Variants in CIMIP4 observed in about 807,000 individuals in gnomAD.
The protein encoded by CIMIP4 is protein EAN57.
chr22:36,992,992 A>C, the CIMIP4 span, among the ~76,000 whole-genome samples: 1 of 149,620 alleles, frequency 6.7e-6, no homozygotes, highest in East Asian at 1.9e-4. Context: ...GAGAGTAATT[A>C]AAGTTAATTA....
chr22:37,005,060 G>A, the CIMIP4 span, among the ~76,000 whole-genome samples: 66,980 of 151,908 alleles, frequency 0.44, 14,893 homozygotes, highest in East Asian at 0.53. Flanking sequence ...AGCAAATGCC[G>A]TGTTTTGAGC....
At chr22:36,991,583 C>G in the CIMIP4 span, 1 of 1,614,212 alleles carries the variant, frequency 6.2e-7, no homozygotes, top group Non-Finnish European at 8.5e-7. Flanking sequence ...TTTGTCTCCT[C>G]AGCAGCCCCT....
the CIMIP4 span, among the ~76,000 whole-genome samples, chr22:36,993,934 A>C: frequency 6.6e-6 from 1 of 152,234 alleles, no homozygotes; most frequent in Non-Finnish European, 1.5e-5. Context: ...GGACACAAAG[A>C]GAGGATAAAC....
chr22:36,994,696 T>C, the CIMIP4 span, among the ~76,000 whole-genome samples: 9 of 146,852 alleles, frequency 6.1e-5, no homozygotes, highest in Non-Finnish European at 1.0e-4. Context: ...AGTGGCGCAA[T>C]CTCGGCTCAC....
chr22:36,996,286 A>G, the CIMIP4 span, among the ~76,000 whole-genome samples: 2 of 152,150 alleles, frequency 1.3e-5, no homozygotes, highest in Non-Finnish European at 2.9e-5. Flanking sequence ...CTCCTAAAGA[A>G]TCAATAACTA....
At chr22:36,998,574 G>A in the CIMIP4 span, among the ~76,000 whole-genome samples, 1 of 152,340 alleles carries the variant, frequency 6.6e-6, no homozygotes, top group Non-Finnish European at 1.5e-5. Context: ...CATAGCTAGG[G>A]AGGTGACTTA....
At chr22:36,996,217 G>A in the CIMIP4 span, among the ~76,000 whole-genome samples, 4 of 147,628 alleles carry the variant, frequency 2.7e-5, no homozygotes, top group South Asian at 2.2e-4. Context: ...ACTCAGAGCA[G>A]TACCTGGCAT....
chr22:36,999,105 G>A, the CIMIP4 span, among the ~76,000 whole-genome samples: 2 of 151,966 alleles, frequency 1.3e-5, no homozygotes, highest in Non-Finnish European at 2.9e-5. Context: ...GGGGCTAGGG[G>A]TGTGGGGAGC....
At chr22:36,993,155 G>C in the CIMIP4 span, among the ~76,000 whole-genome samples, 1 of 151,768 alleles carries the variant, frequency 6.6e-6, no homozygotes, top group African/African-American at 2.4e-5. Flanking sequence ...GGGATTACAG[G>C]CATGCGCCAC....
chr22:36,992,611 T>C, the CIMIP4 span, among the ~76,000 whole-genome samples: 5 of 152,290 alleles, frequency 3.3e-5, no homozygotes, highest in East Asian at 9.6e-4. Context: ...GGCTATGTAT[T>C]AATCATTGTT....
chr22:36,992,966 C>A, the CIMIP4 span, among the ~76,000 whole-genome samples: 13 of 149,544 alleles, frequency 8.7e-5, no homozygotes, highest in Non-Finnish European at 1.6e-4. Context: ...AACATGTAAG[C>A]TGAGGTGGAG....
chr22:36,991,840 T>G, the CIMIP4 span, among the ~76,000 whole-genome samples: 4 of 152,210 alleles, frequency 2.6e-5, no homozygotes, highest in African/African-American at 9.6e-5. Flanking sequence ...AATGAGATTT[T>G]TTTGCATGGT....
At chr22:36,993,962 G>T in the CIMIP4 span, among the ~76,000 whole-genome samples, 1 of 152,098 alleles carries the variant, frequency 6.6e-6, no homozygotes, top group Non-Finnish European at 1.5e-5. Flanking sequence ...AACAGAAAAA[G>T]ATATACCCAG....
At chr22:37,001,399 TTCCCAATAA>T in the CIMIP4 span, among the ~76,000 whole-genome samples, 1 of 152,248 alleles carries the variant, frequency 6.6e-6, no homozygotes, top group African/African-American at 2.4e-5. Flanking sequence ...CGTCTTCTGA[TTCCCAATAA>T]ATGCTATCCA....
the CIMIP4 span, chr22:37,003,834 TG>T: frequency 3.5e-6 from 3 of 849,406 alleles, no homozygotes; most frequent in South Asian, 4.9e-5. Context: ...CTAGGAAGCC[TG>T]GGCCGATGGT....
At chr22:36,991,640 G>A in the CIMIP4 span, 5 of 1,476,538 alleles carry the variant, frequency 3.4e-6, no homozygotes, top group South Asian at 1.1e-5. Context: ...AGTGGCAGTC[G>A]GGTACTCCAT....
the CIMIP4 span, among the ~76,000 whole-genome samples, chr22:36,997,891 C>T: frequency 6.6e-6 from 1 of 152,196 alleles, no homozygotes; most frequent in Non-Finnish European, 1.5e-5. Flanking sequence ...TGGGTGGAAA[C>T]AGAGAGGGAC....
At chr22:37,002,044 C>G in the CIMIP4 span, 3 of 1,609,974 alleles carry the variant, frequency 1.9e-6, no homozygotes, top group Admixed American at 5.0e-5. Flanking sequence ...AGCCCGCATT[C>G]TTCAGGGACC....
At chr22:36,991,450 T>A in the CIMIP4 span, 1 of 1,602,342 alleles carries the variant, frequency 6.2e-7, no homozygotes, top group Non-Finnish European at 8.6e-7. Context: ...GGACAGTCCC[T>A]GCCTCCCATC....
Sources: allele counts gnomAD v4.1 joint callset (sites outside exome capture counted in the v4.1 genomes callset), GRCh38; gene constraint gnomAD v4.1.1; transcripts MANE v1.5; gene names NCBI Gene and HGNC (gene_info 2026-07-23, HGNC 2026-07-21).